CBLB: variants seen among roughly 807,000 people sequenced by gnomAD.
The protein encoded by CBLB is Cbl proto-oncogene B.
CBLB carries 31 observed loss-of-function variants against 104.9 expected under a neutral mutation model. That is an observed-to-expected ratio of 0.30 (90% CI 0.22 to 0.40). The LOEUF (loss-of-function observed/expected upper bound fraction) is 0.40, where lower values mean the gene tolerates loss of function less well. CBLB is among the 10% of genes least tolerant of loss of function. CBLB has a pLI of 1.00. For missense variants in CBLB, 1,062 were observed against 1,214.6 expected (o/e 0.87, Z 1.87); for synonymous variants, 440 against 422.6 (o/e 1.04, Z -0.51).
chr3:105,800,639 GA>G (rs2082744317), intron 3 of CBLB, among the ~76,000 whole-genome samples: 1 of 152,012 alleles, frequency 6.6e-6, no homozygotes, highest in Non-Finnish European at 1.5e-5. Context: ...CAATAACCTA[GA>G]ATTACATAAA....
At chr3:105,753,356 C>T (rs982952386) in intron 4 of CBLB, among the ~76,000 whole-genome samples, 4 of 117,738 alleles carry the variant, frequency 3.4e-5, no homozygotes, top group African/African-American at 6.5e-5. Flanking sequence ...TTAAGGTTAA[C>T]AAAATGCTGC....
chr3:105,696,107 T>G (rs761904903), intron 12 of CBLB, among the ~76,000 whole-genome samples: 4 of 151,604 alleles, frequency 2.6e-5, no homozygotes, highest in Non-Finnish European at 4.4e-5. Context: ...CACACATATA[T>G]ATAATTTGCT....
Position 105,736,434 on chromosome 3 carries a change from T to C in CBLB, c.1071+737A>G, listed in dbSNP as rs533334730. Among the ~76,000 whole-genome samples, 4 of 152,314 alleles carry C rather than the reference T, an allele frequency of 2.6e-5. No homozygotes were observed. In the East Asian group the frequency reaches 5.8e-4, roughly 22 times the overall value. On this transcript the variant is annotated intron_variant, in intron 8 of 18. Coordinates refer to ENST00000394030, the MANE Select transcript of CBLB (RefSeq NM_170662.5). Reference sequence around the variant, plus strand: ...CATGTACTTTACATAAATGGAATTATTTTACAGTACAAGATGCAGAAGTTC... The same window carrying C: ...CATGTACTTTACATAAATGGAATTACTTTACAGTACAAGATGCAGAAGTTC...
In CBLB at chr3:105,754,894, TGA is replaced by T. The variant is rs377593352; in HGVS notation, c.567-3278_567-3277del. Among the ~76,000 whole-genome samples the T allele has an allele frequency of 6.6e-5, 10 of 152,298 alleles. No homozygotes were observed. The East Asian group carries it at 9.6e-4, about 15-fold the overall frequency. ...TGATAGTTCTGTTCATATAATATCA[TGA>T]GAGATAAGAACATGATAAATAAGAC... On this transcript the variant is annotated intron_variant, in intron 4 of 18. Transcript: ENST00000394030.
chr3:105,722,657 T>A (rs1243336300), intron 9 of CBLB, among the ~76,000 whole-genome samples: 1 of 152,184 alleles, frequency 6.6e-6, no homozygotes, highest in Non-Finnish European at 1.5e-5. Context: ...AGCCACACTA[T>A]TAGGCTACGT....
chr3:105,768,305 A>T (rs2078456386), intron 4 of CBLB, among the ~76,000 whole-genome samples: 1 of 152,226 alleles, frequency 6.6e-6, no homozygotes, highest in Non-Finnish European at 1.5e-5. Context: ...TTGTTATGCC[A>T]GAGATTATAA....
chr3:105,704,606 T>C (rs1334675324), intron 10 of CBLB, among the ~76,000 whole-genome samples: 1 of 152,158 alleles, frequency 6.6e-6, no homozygotes, highest in Non-Finnish European at 1.5e-5. Flanking sequence ...AACATGTATC[T>C]TGTATGTAGT....
At chr3:105,811,145 C>CCTG (rs1457085476) in intron 3 of CBLB, among the ~76,000 whole-genome samples, 1 of 152,130 alleles carries the variant, frequency 6.6e-6, no homozygotes, top group Non-Finnish European at 1.5e-5. Context: ...GTAGAGAAGT[C>CCTG]CTGCTGGGCA....
intron 17 of CBLB, chr3:105,673,059 A>C: frequency 6.7e-6 from 1 of 149,304 alleles, no homozygotes. Flanking sequence ...TAGGAGGAGG[A>C]AGTATGGATT....
chr3:105,669,065 A>AATCCATCCATCCATCCATCC (rs140483751), intron 18 of CBLB, among the ~76,000 whole-genome samples: 24 of 149,956 alleles, frequency 1.6e-4, no homozygotes, highest in African/African-American at 4.4e-4. Flanking sequence ...TGTCCACTCA[A>AATCCATCCATCCATCCATCC]ATCCATCCAT....
chr3:105,757,370 G>T (rs2077176024), intron 4 of CBLB, among the ~76,000 whole-genome samples: 1 of 152,152 alleles, frequency 6.6e-6, no homozygotes, highest in Admixed American at 6.5e-5. Flanking sequence ...TTCCAAAAGA[G>T]TATAATTAGT....
At chr3:105,842,340 TTCGCA>T (rs1236259507) in intron 3 of CBLB, among the ~76,000 whole-genome samples, 1 of 152,234 alleles carries the variant, frequency 6.6e-6, no homozygotes, top group Non-Finnish European at 1.5e-5. Flanking sequence ...CTTCAGGCTC[TTCGCA>T]GTCCTTGACA....
intron 4 of CBLB, among the ~76,000 whole-genome samples, chr3:105,763,061 C>T (rs181752519): frequency 6.3e-4 from 96 of 152,306 alleles, no homozygotes; most frequent in Non-Finnish European, 1.0e-3. Context: ...GACTGGCCCG[C>T]TGGATTTCGG....
intron 3 of CBLB, among the ~76,000 whole-genome samples, chr3:105,783,102 G>T (rs946644068): frequency 3.9e-5 from 6 of 152,204 alleles, no homozygotes; most frequent in African/African-American, 1.4e-4. Flanking sequence ...AATATATTCT[G>T]ATTAATTTTT....
chr3:105,798,155 A>T (rs912339759), intron 3 of CBLB, among the ~76,000 whole-genome samples: 2 of 152,236 alleles, frequency 1.3e-5, no homozygotes, highest in African/African-American at 4.8e-5. Flanking sequence ...CTACTTTTCA[A>T]CAATTCTTCT....
chr3:105,708,519 A>G (rs890236395), intron 10 of CBLB, among the ~76,000 whole-genome samples: 5 of 152,126 alleles, frequency 3.3e-5, no homozygotes, highest in Non-Finnish European at 5.9e-5. Context: ...TCTAAGCTCT[A>G]ATGCCAACTG....
At chr3:105,837,695 CAGTTA>C (rs1336446583) in intron 3 of CBLB, among the ~76,000 whole-genome samples, 1 of 152,102 alleles carries the variant, frequency 6.6e-6, no homozygotes, top group Non-Finnish European at 1.5e-5. Flanking sequence ...AGAATACATA[CAGTTA>C]AGAGTTGCTT....
intron 7 of CBLB, 55 bp downstream of exon 7, chr3:105,740,439 T>C (rs930712103): frequency 6.3e-7 from 1 of 1,597,820 alleles, no homozygotes; most frequent in Non-Finnish European, 8.6e-7. Context: ...AAAGCAATCT[T>C]TATTTTTCAA....
At chr3:105,773,538 AGCT>A (rs1351972622) in intron 4 of CBLB, among the ~76,000 whole-genome samples, 1 of 152,330 alleles carries the variant, frequency 6.6e-6, no homozygotes, top group East Asian at 1.9e-4. Flanking sequence ...ATGAGTCACA[AGCT>A]GCTACCTGAC....
Sources: allele counts gnomAD v4.1 joint callset (sites outside exome capture counted in the v4.1 genomes callset), GRCh38; gene constraint gnomAD v4.1.1; transcripts MANE v1.5; gene names NCBI Gene and HGNC (gene_info 2026-07-23, HGNC 2026-07-21).